Variants in DTNA observed in about 807,000 individuals in gnomAD.
The protein encoded by DTNA is dystrobrevin alpha, also known as dystrophin-related protein 3.
In DTNA, 43 loss-of-function variants were observed where a neutral mutation model predicts 100.7. That is an observed-to-expected ratio of 0.43 (90% CI 0.33 to 0.55). The LOEUF (loss-of-function observed/expected upper bound fraction) is 0.55, where lower values mean the gene tolerates loss of function less well. Ranked by LOEUF, DTNA falls within the 20% of genes least tolerant of loss-of-function variation. The pLI is 0.04. For synonymous variants in DTNA, 349 were observed against 347.9 expected (o/e 1.00, Z -0.04); for missense variants, 798 against 953.9 (o/e 0.84, Z 2.15).
At chr18:34,711,976 A>G (rs558992590) in intron 1 of DTNA, among the ~76,000 whole-genome samples, 3 of 152,174 alleles carry the variant, frequency 2.0e-5, no homozygotes, top group Non-Finnish European at 4.4e-5. Context: ...CTTTCAAAAC[A>G]TGAGATATTT....
intron 1 of DTNA, among the ~76,000 whole-genome samples, chr18:34,533,767 T>C (rs1006228405): frequency 2.0e-5 from 3 of 152,078 alleles, no homozygotes; most frequent in African/African-American, 7.2e-5. Flanking sequence ...TATGTAAATA[T>C]CTTATCCTGT....
intron 1 of DTNA, among the ~76,000 whole-genome samples, chr18:34,532,308 C>A: frequency 6.6e-6 from 1 of 152,076 alleles, no homozygotes; most frequent in East Asian, 1.9e-4. Flanking sequence ...GGAAGAAGGC[C>A]ACTCTAGGCT....
chr18:34,585,896 T>A (rs2049085168), intron 1 of DTNA, among the ~76,000 whole-genome samples: 1 of 152,160 alleles, frequency 6.6e-6, no homozygotes, highest in African/African-American at 2.4e-5. Context: ...GAATTTTTAT[T>A]AATATGAAAA....
chr18:34,806,007 G>C (rs1452871895), intron 4 of DTNA, among the ~76,000 whole-genome samples: 2 of 152,170 alleles, frequency 1.3e-5, no homozygotes, highest in Non-Finnish European at 2.9e-5. Flanking sequence ...GTCTCTTAAG[G>C]AAACATTGAA....
intron 1 of DTNA, among the ~76,000 whole-genome samples, chr18:34,568,770 C>T (rs1204867372): frequency 2.6e-5 from 4 of 152,060 alleles, no homozygotes; most frequent in South Asian, 2.1e-4. Flanking sequence ...AGTACAGGCA[C>T]GTACCACCAT....
intron 1 of DTNA, among the ~76,000 whole-genome samples, chr18:34,540,589 G>A (rs1051211017): frequency 1.8e-4 from 27 of 151,798 alleles, no homozygotes; most frequent in African/African-American, 6.5e-4. Context: ...ATAATATCTA[G>A]TATAATCTTC....
chr18:34,841,744 C>G (rs1422901839), intron 13 of DTNA, among the ~76,000 whole-genome samples: 1 of 152,122 alleles, frequency 6.6e-6, no homozygotes, highest in Admixed American at 6.6e-5. Context: ...GACACTGGTT[C>G]CCATCTATTT....
intron 1 of DTNA, among the ~76,000 whole-genome samples, chr18:34,637,048 C>T (rs1369843119): frequency 2.0e-5 from 3 of 152,028 alleles, no homozygotes; most frequent in Admixed American, 6.6e-5. Flanking sequence ...TTGCTTAATA[C>T]CCTCCAAAAA....
chr18:34,777,578 C>T (rs138429704), intron 3 of DTNA, among the ~76,000 whole-genome samples: 6 of 152,284 alleles, frequency 3.9e-5, no homozygotes, highest in African/African-American at 1.2e-4. Context: ...TTAACTGACT[C>T]GCCATTCCAT....
chr18:34,631,530 G>T (rs1372427107), intron 1 of DTNA, among the ~76,000 whole-genome samples: 8 of 152,106 alleles, frequency 5.3e-5, no homozygotes, highest in Admixed American at 4.6e-4. Context: ...TAATGAGCAG[G>T]AAAGGATGTT....
intron 1 of DTNA, among the ~76,000 whole-genome samples, chr18:34,683,236 TAATA>T (rs2078377373): frequency 6.6e-6 from 1 of 152,178 alleles, no homozygotes; most frequent in African/African-American, 2.4e-5. Flanking sequence ...AAATGTCCTG[TAATA>T]AATACTGGTT....
At chr18:34,814,564 C>A (rs1321928519) in intron 6 of DTNA, among the ~76,000 whole-genome samples, 1 of 151,646 alleles carries the variant, frequency 6.6e-6, no homozygotes, top group African/African-American at 2.4e-5. Flanking sequence ...TGGTGGCACA[C>A]ACTTATAGTC....
intron 1 of DTNA, among the ~76,000 whole-genome samples, chr18:34,619,217 T>C (rs1002879768): frequency 4.6e-5 from 7 of 152,198 alleles, no homozygotes; most frequent in Admixed American, 1.3e-4. Context: ...AGAATAAGAC[T>C]GGGCACATTG....
At chr18:34,798,428 A>C (rs73412662) in intron 4 of DTNA, among the ~76,000 whole-genome samples, 3,841 of 152,224 alleles carry the variant, frequency 0.025, 168 homozygotes, top group African/African-American at 0.087. Context: ...GAAAAAAAAA[A>C]CAAGTGTTCA....
chr18:34,781,647 G>A (rs1482364922), intron 3 of DTNA, among the ~76,000 whole-genome samples: 1 of 151,810 alleles, frequency 6.6e-6, no homozygotes, highest in African/African-American at 2.4e-5. Context: ...TATTTCCCAA[G>A]CAATTTTCTA....
rs116805898 is a variant in DTNA at position 34,793,484 on chromosome 18, C to A, written c.149-553C>A. On this transcript the variant is annotated intron_variant, in intron 3 of 22. Transcript: ENST00000444659. ...TTTTCCTTTTTACCTTGTCTTCCTG[C>A]CTACCTTAACTTTCTTTTTTTTTCT... Among the ~76,000 whole-genome samples the A allele has an allele frequency of 8.4e-3, 1,285 of 152,260 alleles. 21 individuals are homozygous for A. The highest frequency in any genetic ancestry group is 0.028 in the African/African-American group (1,164 of 41,518).
At chr18:34,590,568 C>T (rs192366774) in intron 1 of DTNA, among the ~76,000 whole-genome samples, 1 of 152,300 alleles carries the variant, frequency 6.6e-6, no homozygotes. Flanking sequence ...ACACCTTGGT[C>T]ACCCCTGCAA....
intron 1 of DTNA, among the ~76,000 whole-genome samples, chr18:34,569,002 G>A (rs1392140016): frequency 6.6e-6 from 1 of 152,210 alleles, no homozygotes; most frequent in African/African-American, 2.4e-5. Context: ...GGAAACCCAT[G>A]TTACTATGCT....
intron 1 of DTNA, among the ~76,000 whole-genome samples, chr18:34,501,998 T>C (rs953946537): frequency 1.3e-5 from 2 of 152,228 alleles, no homozygotes; most frequent in Non-Finnish European, 2.9e-5. Context: ...AAGTCCTATC[T>C]CTAATAGAGT....
Sources: allele counts gnomAD v4.1 joint callset (sites outside exome capture counted in the v4.1 genomes callset), GRCh38; gene constraint gnomAD v4.1.1; transcripts MANE v1.5; gene names NCBI Gene and HGNC (gene_info 2026-07-23, HGNC 2026-07-21).